The following ROR2 variants were observed in gnomAD, a reference collection of about 807,000 sequenced individuals.
The protein encoded by ROR2 is ROR family WNT receptor 2, also known as tyrosine-protein kinase transmembrane receptor ROR2.
Under a neutral mutation model 74.9 loss-of-function variants are expected in ROR2, and 33 were observed. The ratio of observed to expected loss-of-function variants is 0.44; its 90% CI spans 0.33 to 0.59. The LOEUF is 0.59. Ranked by LOEUF, ROR2 falls within the 20% of genes least tolerant of loss-of-function variation. The pLI, the probability that ROR2 is intolerant of heterozygous loss-of-function variation, is 0.02. For missense variants in ROR2, 1,216 were observed against 1,313.8 expected, an observed-to-expected ratio of 0.93 and a Z score of 1.15; for synonymous variants, 586 against 558.7, an observed-to-expected ratio of 1.05 and a Z score of -0.69.
chr9:91,759,951 A>C (rs1438874453), intron 2 of ROR2, among the ~76,000 whole-genome samples: 1 of 152,242 alleles, frequency 6.6e-6, no homozygotes, highest in Non-Finnish European at 1.5e-5. Context: ...GGTGAGTAAA[A>C]TTGAGCCTTC....
At chr9:91,770,266 T>C (rs1213450815) in intron 2 of ROR2, among the ~76,000 whole-genome samples, 2 of 152,208 alleles carry the variant, frequency 1.3e-5, no homozygotes, top group African/African-American at 4.8e-5. Context: ...ACCTCTGTGT[T>C]CAATCTTTAT....
intron 1 of ROR2, among the ~76,000 whole-genome samples, chr9:91,802,080 T>G (rs1396792471): frequency 6.8e-6 from 1 of 146,620 alleles, no homozygotes; most frequent in Non-Finnish European, 1.5e-5. Flanking sequence ...TTTTTTTTTT[T>G]TTTTTTTTTT....
In ROR2 at chr9:91,723,810, T is replaced by A; in HGVS notation, c.2684A>T (p.Asp895Val). The A allele has an allele frequency of 1.9e-6, 3 of 1,613,894 alleles. No individual in the cohort carries two copies. Among genetic ancestry groups the A allele is most frequent in the Non-Finnish European group, 2.5e-6 (3 of 1,180,022 alleles). Residue 895 changes from aspartate to valine, a missense_variant, in exon 9 of 9, where the codon GAT (aspartate) becomes GTT (valine). Physicochemically the swap from Asp to Val is radical, Grantham distance 152. Transcript: ENST00000375708. ...DRAALLSEGA[D>V]DTQNAPEDGA... is the part of the protein sequence containing the mutation. Reference sequence around the variant, plus strand: ...ATCTTCTGGGGCGTTCTGTGTGTCATCAGCGCCCTCTGAGAGCAGGGCTGC... The same window carrying A: ...ATCTTCTGGGGCGTTCTGTGTGTCAACAGCGCCCTCTGAGAGCAGGGCTGC...
chr9:91,737,265 A>G, intron 5 of ROR2, 126 bp downstream of exon 5: 1 of 1,252,182 alleles, frequency 8.0e-7, no homozygotes, highest in Non-Finnish European at 1.2e-6. Context: ...GGTTTCTACC[A>G]CAAATGAAAT....
At chr9:91,920,044 T>C (rs965504554) in intron 1 of ROR2, among the ~76,000 whole-genome samples, 2 of 152,194 alleles carry the variant, frequency 1.3e-5, no homozygotes, top group African/African-American at 4.8e-5. Flanking sequence ...CAACTCCCAA[T>C]ATCAACAGGC....
At chr9:91,796,949 A>C (rs1441673496) in intron 1 of ROR2, among the ~76,000 whole-genome samples, 1 of 37,786 alleles carries the variant, frequency 2.6e-5, no homozygotes, top group Non-Finnish European at 4.5e-5. Context: ...ACACCCTGGG[A>C]TCTGTGGATA....
At chr9:91,946,676 T>G (rs554674927) in intron 1 of ROR2, among the ~76,000 whole-genome samples, 33 of 152,180 alleles carry the variant, frequency 2.2e-4, no homozygotes, top group African/African-American at 7.9e-4. Flanking sequence ...TTACAAAGAG[T>G]ACACAAATTT....
rs760076090 is a variant in ROR2 at position 91,724,284 on chromosome 9, G to A, written c.2210C>T (p.Pro737Leu). 15 of 1,613,330 alleles carry A rather than the reference G, an allele frequency of 9.3e-6. No individual in the cohort carries two copies. The South Asian group carries it at 1.5e-4, about 17-fold the overall frequency. Residue 737 changes from proline to leucine, a missense_variant, in exon 9 of 9, where the codon CCC becomes CTC. By Grantham distance (98) the Pro-to-Leu change is moderately conservative. Coordinates refer to ENST00000375708, the MANE Select transcript of ROR2 (RefSeq NM_004560.4). ...CCGGCTGTGGATGTCCTTGAAGCGG[G>A]GCCGCCGGCTGGGGAACTCGTTCCA... ...ECWNEFPSRR[P>L]RFKDIHSRLR...
chr9:91,759,714 A>T (rs1363732260), intron 2 of ROR2, among the ~76,000 whole-genome samples: 1 of 152,178 alleles, frequency 6.6e-6, no homozygotes. Context: ...CATTGAAAAG[A>T]ATATTGCTAA....
At chr9:91,921,745 C>T (rs927185726) in intron 1 of ROR2, among the ~76,000 whole-genome samples, 6 of 151,710 alleles carry the variant, frequency 4.0e-5, no homozygotes, top group African/African-American at 1.2e-4. Context: ...CGCCTGTAGT[C>T]GCAGCTACTC....
intron 1 of ROR2, among the ~76,000 whole-genome samples, chr9:91,901,353 T>C (rs1267728752): frequency 3.3e-5 from 5 of 152,206 alleles, no homozygotes; most frequent in East Asian, 1.9e-4. Flanking sequence ...GAGGTAGTGA[T>C]AGTTTACTAG....
chr9:91,730,380 A>T (rs1231061440), intron 7 of ROR2, among the ~76,000 whole-genome samples: 2 of 152,210 alleles, frequency 1.3e-5, no homozygotes, highest in African/African-American at 4.8e-5. Flanking sequence ...GTGATCTGAC[A>T]TTACTCTTCA....
At chr9:91,832,450 G>A (rs1323653020) in intron 1 of ROR2, among the ~76,000 whole-genome samples, 1 of 144,862 alleles carries the variant, frequency 6.9e-6, no homozygotes, top group Non-Finnish European at 1.5e-5. Context: ...TCAGTCAAAT[G>A]CAACTCTAGG....
chr9:91,780,814 G>T (rs922546911), intron 1 of ROR2, among the ~76,000 whole-genome samples: 7 of 152,152 alleles, frequency 4.6e-5, no homozygotes, highest in Admixed American at 4.6e-4. Flanking sequence ...ATTTATATCT[G>T]CAAAGTAGCA....
rs541577637 is a variant in ROR2, at chr9:91,922,825, C to G, written c.97+27042G>C. 7.9e-5 allele frequency among the ~76,000 whole-genome samples: 12 copies of G among 152,186 alleles called. No homozygotes were observed. In the East Asian group the frequency reaches 1.9e-3, roughly 25 times the overall value. On this transcript the variant is annotated intron_variant, in intron 1 of 8. Coordinates refer to ENST00000375708, the MANE Select transcript of ROR2 (RefSeq NM_004560.4). ...TCGACTCCTCAGTGTCCTCTCATGT[C>G]AGGCTCTCCAAATCAGCTGCATAGC...
intron 1 of ROR2, among the ~76,000 whole-genome samples, chr9:91,796,436 G>GAA (rs907750118): frequency 0.13 from 11,512 of 87,460 alleles, 1,592 homozygotes; most frequent in African/African-American, 0.36. Flanking sequence ...TTGTCCCAAG[G>GAA]AAAAAAAAAA....
chr9:91,912,895 G>A (rs574652789), intron 1 of ROR2, among the ~76,000 whole-genome samples: 4 of 152,320 alleles, frequency 2.6e-5, no homozygotes, highest in Admixed American at 2.0e-4. Flanking sequence ...TTGGGAGGCC[G>A]AGGCGGGAGG....
At chr9:91,893,103 C>T (rs531357567) in intron 1 of ROR2, among the ~76,000 whole-genome samples, 1 of 152,276 alleles carries the variant, frequency 6.6e-6, no homozygotes, top group East Asian at 1.9e-4. Context: ...ACTCTTCCCA[C>T]AGACAAGGAC....
chr9:91,876,230 A>T (rs1403283941), intron 1 of ROR2, among the ~76,000 whole-genome samples: 1 of 152,046 alleles, frequency 6.6e-6, no homozygotes. Flanking sequence ...AAAATTAGCC[A>T]GGTGTGCAGG....
Sources: allele counts gnomAD v4.1 joint callset (sites outside exome capture counted in the v4.1 genomes callset), GRCh38; gene constraint gnomAD v4.1.1; transcripts MANE v1.5; gene names NCBI Gene and HGNC (gene_info 2026-07-23, HGNC 2026-07-21).